RLIM: variants seen among roughly 807,000 people sequenced by gnomAD.
The protein encoded by RLIM is ring finger protein, LIM domain interacting, also known as E3 ubiquitin-protein ligase RLIM.
A neutral mutation model predicts 34.0 loss-of-function variants in RLIM; 2 were observed. That is an observed-to-expected ratio of 0.06 (90% confidence interval 0.02 to 0.19). RLIM has a LOEUF of 0.19. Among genes scored for constraint, RLIM ranks in the 10% least tolerant of loss-of-function variants. The probability of loss-of-function intolerance (pLI) is 1.00; values close to 1 mark genes in which losing one functional copy is unlikely to be tolerated. For missense variants in RLIM, 286 were observed against 479.7 expected, an observed-to-expected ratio of 0.60 and a Z score of 3.77; for synonymous variants, 169 against 164.0, an observed-to-expected ratio of 1.03 and a Z score of -0.23.
Position 74,592,656 on chromosome X carries a change from C to G in RLIM, c.659G>C (p.Arg220Thr). 1 of 1,211,514 alleles carries G rather than the reference C, an allele frequency of 8.3e-7. No homozygotes were observed. The highest frequency in any genetic ancestry group is 1.1e-6 in the Non-Finnish European group (1 of 895,295). ...ACTTCTTTCAGCTCTTGCTCTGGTT[C>G]TCCGATGGTCTGGGCTCCTGCTTCT... Reference protein sequence around the residue: ...RARSRSPDHRRTRARAERSRS... With the variant: ...RARSRSPDHRTTRARAERSRS... Residue 220 changes from arginine (R) to threonine (T), a missense_variant, in exon 4 of 4, where the codon AGA becomes ACA. Coordinates refer to ENST00000332687, the MANE Select transcript of RLIM (RefSeq NM_016120.4).
At chrX:74,594,444 C>T in intron 2 of RLIM, 55 bp from the exon 3 acceptor site, 1 of 745,257 alleles carries the variant, frequency 1.3e-6, no homozygotes. Context: ...CAATCAAATA[C>T]TTTATCAGTG....
rs1931286859 is a variant in RLIM at position 74,584,077 on chromosome X, G to A, written c.*7363C>T. 9.0e-6 allele frequency among the ~76,000 whole-genome samples: 1 copy of A among 111,372 alleles called. No individual in the cohort carries two copies. Among genetic ancestry groups the A allele is most frequent in the Admixed American group, 9.6e-5 (1 of 10,451 alleles). On this transcript the variant is annotated 3_prime_UTR_variant, in exon 4 of 4. Transcript: ENST00000332687. ...CAAAAAAATAAACAAAAACCAATTT[G>A]GCCTTTTTTTTTCTTGGCAAACCAG...
In RLIM at chrX:74,592,598, T is replaced by C. The variant is rs756037072; in HGVS notation, c.717A>G (p.Pro239=). 4.1e-6 allele frequency: 5 copies of C among 1,212,048 alleles called. No individual in the cohort carries two copies. The Admixed American group carries it at 6.5e-5, about 16-fold the overall frequency. The change falls in exon 4 of 4, where the codon CCA becomes CCG. Residue 239 remains proline, a synonymous_variant. Coordinates refer to ENST00000332687, the MANE Select transcript of RLIM (RefSeq NM_016120.4). ...ATGAGATACTATGATGAGATCTTCG[T>C]GGAATTTCACTCATTGGATGCAGAG... The part of the protein sequence containing the change: ...RSPLHPMSEI[P]RRSHHSISSQ...
Position 74,583,467 on chromosome X carries a change from T to C in RLIM, c.*7973A>G. ...GCAAACTCCCGCAGCATATTTATAC[T>C]GTGGAACGGTGCGGACAGCAGGAGT... On this transcript the variant is annotated 3_prime_UTR_variant, in exon 4 of 4. Transcript: ENST00000332687. 1 of 680,627 alleles carries C rather than the reference T, an allele frequency of 1.5e-6. No individual in the cohort carries two copies. Among genetic ancestry groups the C allele is most frequent in the Non-Finnish European group, 2.4e-6 (1 of 409,703 alleles). The allele number at this position is 680,627 out of a possible 1,213,427, so 56.1% of individuals were successfully genotyped here.
In RLIM at chrX:74,590,211, C is replaced by T. The variant is rs1453496884; in HGVS notation, c.*1229G>A. The T allele has an allele frequency of 9.0e-6, 1 of 111,544 alleles. No individual in the cohort carries two copies. The highest frequency in any genetic ancestry group is 1.9e-5 in the Non-Finnish European group (1 of 53,092). 9.2% of individuals were successfully genotyped at this position (111,544 alleles called of 1,213,427 possible). A position where few individuals can be genotyped will look rare whatever the true frequency, so the allele number is the denominator to read the frequency against. On this transcript the variant is annotated 3_prime_UTR_variant, in exon 4 of 4. Transcript: ENST00000332687. Reference sequence around the variant, plus strand: ...TTATAGTCTCTTTCCTCCATTTTTTCATTTTTGAGGAGCAGACTTGTAAAT... The same window carrying T: ...TTATAGTCTCTTTCCTCCATTTTTTTATTTTTGAGGAGCAGACTTGTAAAT...
At position 74,612,039 on chromosome X, in the gene RLIM, G is replaced by A. The variant is rs762295073; in HGVS notation, c.-24+2383C>T. 9.9e-5 allele frequency among the ~76,000 whole-genome samples: 11 copies of A among 111,412 alleles called. No homozygotes were observed. In the South Asian group the frequency reaches 4.1e-3, roughly 42 times the overall value. ...TAATGTTCCTTTTGTTCTTAAAAGT[G>A]TCTTGGTTAGGCAATAAATTATGTG... On this transcript the variant is annotated intron_variant, in intron 1 of 3. Coordinates refer to ENST00000332687, the MANE Select transcript of RLIM (RefSeq NM_016120.4).
At chrX:74,596,268 T>C (rs1280391720) in intron 1 of RLIM, among the ~76,000 whole-genome samples, 1 of 112,471 alleles carries the variant, frequency 8.9e-6, no homozygotes, top group Non-Finnish European at 1.9e-5. Context: ...TTTTTTGAGA[T>C]GGAGTCTCGC....
rs1285967418 is a variant in RLIM, at chrX:74,592,613, T to C, written c.702A>G (p.Pro234=). The C allele has an allele frequency of 4.1e-6, 5 of 1,210,215 alleles. No homozygotes were observed. Among genetic ancestry groups the C allele is most frequent in the Non-Finnish European group, 5.6e-6 (5 of 895,286 alleles). The stretch of plus-strand genomic sequence containing the variant: ...GAGATCTTCGTGGAATTTCACTCAT[T>C]GGATGCAGAGGTGACCTACTTCTTT... ...RAERSRSPLH[P]MSEIPRRSHH... Residue 234 remains proline (P), a synonymous_variant, in exon 4 of 4, where the codon CCA becomes CCG. Coordinates refer to ENST00000332687, the MANE Select transcript of RLIM (RefSeq NM_016120.4).
At chrX:74,599,590 T>C (rs965827902) in intron 1 of RLIM, among the ~76,000 whole-genome samples, 13 of 111,028 alleles carry the variant, frequency 1.2e-4, no homozygotes, top group African/African-American at 3.9e-4. Flanking sequence ...TATAAAATAG[T>C]CCCCAGAGAG....
chrX:74,597,930 T>G (rs989877357), intron 1 of RLIM, among the ~76,000 whole-genome samples: 3 of 112,291 alleles, frequency 2.7e-5, no homozygotes, highest in African/African-American at 6.5e-5. Flanking sequence ...CAATTACTAT[T>G]ATCAAACAAT....
rs989856440 is a variant in RLIM, at chrX:74,590,277, C to A, written c.*1163G>T. ...TAGTAGTGGTTTGTTTTTCTTAAAC[C>A]AAAACTCTGCCAAACTTGCTGATCT... On this transcript the variant is annotated 3_prime_UTR_variant, in exon 4 of 4. Coordinates refer to ENST00000332687, the MANE Select transcript of RLIM (RefSeq NM_016120.4). 2 of 111,609 alleles carry A rather than the reference C, an allele frequency of 1.8e-5. No individual in the cohort carries two copies. The highest frequency in any genetic ancestry group is 3.8e-5 in the Non-Finnish European group (2 of 53,091). The allele number at this position is 111,609 out of a possible 1,213,427, so 9.2% of individuals were successfully genotyped here.
Position 74,610,331 on chromosome X carries a change from C to T in RLIM, c.-24+4091G>A, listed in dbSNP as rs763020977. Among the ~76,000 whole-genome samples the T allele has an allele frequency of 7.3e-5, 8 of 109,116 alleles. No individual in the cohort carries two copies. In the East Asian group the frequency reaches 1.5e-3, roughly 20 times the overall value. The allele number at this position is 109,116 out of a possible 115,157, so 94.8% of individuals were successfully genotyped here. ...ACTCGGGAGGCTGAGGCAGGAGAACCGCTTGAACCCAGGAGGCGGAGGTTG... is the reference window on the plus strand; with the variant it reads ...ACTCGGGAGGCTGAGGCAGGAGAACTGCTTGAACCCAGGAGGCGGAGGTTG... On this transcript the variant is annotated intron_variant, in intron 1 of 3. Transcript: ENST00000332687.
At chrX:74,607,651 G>A (rs967687439) in intron 1 of RLIM, among the ~76,000 whole-genome samples, 1 of 112,864 alleles carries the variant, frequency 8.9e-6, no homozygotes, top group Non-Finnish European at 1.9e-5. Context: ...GGAGGTTGCA[G>A]TGAGCAGAGA....
intron 1 of RLIM, among the ~76,000 whole-genome samples, chrX:74,603,559 A>G (rs746804424): frequency 1.8e-5 from 2 of 111,786 alleles, no homozygotes; most frequent in Non-Finnish European, 3.8e-5. Flanking sequence ...CCAGAATTAC[A>G]GTCCCTTTAA....
chrX:74,613,093 A>G (rs1193569917), intron 1 of RLIM, among the ~76,000 whole-genome samples: 1 of 110,713 alleles, frequency 9.0e-6, no homozygotes, highest in Non-Finnish European at 1.9e-5. Context: ...TACCTAAGCT[A>G]TATTTCTACA....
At position 74,600,129 on chromosome X, in the gene RLIM, A is replaced by G. The variant is rs894102009; in HGVS notation, c.-23-4129T>C. 2.7e-5 allele frequency among the ~76,000 whole-genome samples: 3 copies of G among 110,783 alleles called. No homozygotes were observed. In the Admixed American group the frequency reaches 2.9e-4, roughly 11 times the overall value. ...ATGTGGTGGTGGGGGGGAGATCATA[A>G]TATTTTTGGAGTTTCTTAATCTCAT... On this transcript the variant is annotated intron_variant, in intron 1 of 3. Transcript: ENST00000332687.
chrX:74,610,130 T>C (rs1232387930), intron 1 of RLIM, among the ~76,000 whole-genome samples: 1 of 112,413 alleles, frequency 8.9e-6, no homozygotes, highest in East Asian at 2.8e-4. Context: ...AACTCTTGGA[T>C]TGGTGGCCAG....
intron 1 of RLIM, among the ~76,000 whole-genome samples, chrX:74,598,752 C>T (rs1296588942): frequency 9.9e-6 from 1 of 101,088 alleles, no homozygotes; most frequent in Non-Finnish European, 2.0e-5. Context: ...GCACTCCTGC[C>T]TGTGCGACAC....
Position 74,595,864 on chromosome X carries a change from G to A in RLIM, c.114C>T (p.Asn38=). The A allele has an allele frequency of 8.3e-7, 1 of 1,206,657 alleles. No individual in the cohort carries two copies. Among genetic ancestry groups the A allele is most frequent in the African/African-American group, 1.7e-5 (1 of 57,583 alleles). ...TAAGCCTATAATCTTCTTCACTCAG[G>A]TTATTTACAAATTGATAGAAAGCTT... ...REEAFYQFVN[N]LSEEDYRLMR... The change falls in exon 2 of 4, where the codon AAC becomes AAT. Residue 38 remains asparagine, a synonymous_variant. Coordinates refer to ENST00000332687, the MANE Select transcript of RLIM (RefSeq NM_016120.4).
Sources: allele counts gnomAD v4.1 joint callset (sites outside exome capture counted in the v4.1 genomes callset), GRCh38; gene constraint gnomAD v4.1.1; transcripts MANE v1.5; gene names NCBI Gene and HGNC (gene_info 2026-07-23, HGNC 2026-07-21).